The following C4orf51 variants were observed in gnomAD, a reference collection of about 807,000 sequenced individuals.
The protein encoded by C4orf51 is chromosome 4 open reading frame 51.
Under a neutral mutation model 25.2 loss-of-function variants are expected in C4orf51, and 25 were observed. That is an observed-to-expected ratio of 0.99 (90% CI 0.72 to 1.39). The LOEUF (loss-of-function observed/expected upper bound fraction) is 1.39, where lower values mean the gene tolerates loss of function less well. Among genes scored for constraint, C4orf51 ranks in the 40% most tolerant of loss-of-function variants. The pLI, the probability that C4orf51 is intolerant of heterozygous loss-of-function variation, is 0.00. For missense variants in C4orf51, 252 were observed against 239.6 expected, an observed-to-expected ratio of 1.05 and a Z score of -0.34; for synonymous variants, 100 against 84.5, an observed-to-expected ratio of 1.18 and a Z score of -1.01.
In C4orf51 at chr4:145,765,764, CT is replaced by C; in HGVS notation, n.167-5223del. The C allele has an allele frequency of 3.1e-6, 5 of 1,604,522 alleles. No individual in the cohort carries two copies. The highest frequency in any genetic ancestry group is 2.2e-5 in the East Asian group (1 of 44,720). ...CTGAAAAATAAGCAAATAACCCAGTCTGTTAATGAGATGAAAATCCTCAGAA... is the reference window on the plus strand; with the variant it reads ...CTGAAAAATAAGCAAATAACCCAGTCGTTAATGAGATGAAAATCCTCAGAA... On this transcript the variant is annotated intron_variant and non_coding_transcript_variant, in intron 1 of 1. Coordinates refer to the C4orf51 transcript ENST00000510096. The surrounding 1 kb of genome is among the most constrained non-coding windows in gnomAD (Gnocchi z 4.7).
intron 5 of C4orf51, among the ~76,000 whole-genome samples, chr4:145,730,456 C>T (rs116130086): frequency 0.021 from 3,201 of 152,300 alleles, 52 homozygotes; most frequent in Non-Finnish European, 0.035. Flanking sequence ...ATTAGACTTT[C>T]TCAAACCCCA....
At chr4:145,727,337 C>T (rs1200254505) in intron 3 of C4orf51, among the ~76,000 whole-genome samples, 1 of 152,112 alleles carries the variant, frequency 6.6e-6, no homozygotes, top group Non-Finnish European at 1.5e-5. Flanking sequence ...AATCTTCCCC[C>T]AGGGACAATC....
At chr4:145,775,089 G>A (rs1330137312), downstream of C4orf51, among the ~76,000 whole-genome samples, 1 of 152,096 alleles carries the variant, frequency 6.6e-6, no homozygotes, top group Non-Finnish European at 1.5e-5. Flanking sequence ...TCTGGCTCTG[G>A]AAACCTTCCC....
intron 2 of C4orf51, among the ~76,000 whole-genome samples, chr4:145,706,205 A>T (rs895433171): frequency 6.6e-6 from 1 of 152,224 alleles, no homozygotes; most frequent in Non-Finnish European, 1.5e-5. Context: ...TGACTTGTTC[A>T]CAATATAAGC....
At chr4:145,781,334 C>A in the C4orf51 span, among the ~76,000 whole-genome samples, 2 of 151,356 alleles carry the variant, frequency 1.3e-5, no homozygotes, top group African/African-American at 4.9e-5. Flanking sequence ...ATACAGGCTT[C>A]CACCTGTATG....
chr4:145,682,277 CAAGT>C (rs1728883780), intron 1 of C4orf51, among the ~76,000 whole-genome samples: 1 of 152,122 alleles, frequency 6.6e-6, no homozygotes, highest in African/African-American at 2.4e-5. Context: ...TAAGAAGAAG[CAAGT>C]GTTATAAATG....
chr4:145,724,316 T>A (rs1011503363), intron 2 of C4orf51, among the ~76,000 whole-genome samples: 7 of 152,166 alleles, frequency 4.6e-5, no homozygotes, highest in Admixed American at 2.0e-4. Flanking sequence ...CCGTCTGCTT[T>A]TACTGTGGCT....
chr4:145,774,712 G>T, downstream of C4orf51: 1 of 1,596,112 alleles, frequency 6.3e-7, no homozygotes, highest in South Asian at 1.1e-5. Flanking sequence ...GAGAGAAAAG[G>T]GTGACACATA....
rs139994190 is a variant in C4orf51, at chr4:145,723,442, T to C, written c.308-3469T>C. Among the ~76,000 whole-genome samples, 693 of 148,382 alleles carry C rather than the reference T, an allele frequency of 4.7e-3. 3 individuals are homozygous for C. The highest frequency in any genetic ancestry group is 0.031 in the Middle Eastern group (9 of 288). On this transcript the variant is annotated intron_variant, in intron 2 of 5. Coordinates refer to ENST00000438731, the MANE Select transcript of C4orf51 (RefSeq NM_001080531.3). ...AAGGAAAACAGAATCACCGAGAAGG[T>C]TGACAGTTGTACTATGACAGACACC...
At chr4:145,706,969 G>T (rs1425521913) in intron 2 of C4orf51, among the ~76,000 whole-genome samples, 1 of 151,986 alleles carries the variant, frequency 6.6e-6, no homozygotes, top group Admixed American at 6.6e-5. Flanking sequence ...CCACGACCAC[G>T]CCCGGCTAAT....
intron 2 of C4orf51, among the ~76,000 whole-genome samples, chr4:145,723,708 C>A (rs2126755266): frequency 6.6e-6 from 1 of 152,264 alleles, no homozygotes; most frequent in African/African-American, 2.4e-5. Flanking sequence ...CAACAAATTG[C>A]CCAATTCAGT....
chr4:145,722,575 T>G (rs1320570424), intron 2 of C4orf51, among the ~76,000 whole-genome samples: 2 of 152,216 alleles, frequency 1.3e-5, no homozygotes, highest in Non-Finnish European at 2.9e-5. Flanking sequence ...ATCCCAATGG[T>G]TAACACATCT....
intron 1 of C4orf51, among the ~76,000 whole-genome samples, chr4:145,691,361 C>G (rs1247964957): frequency 6.6e-6 from 1 of 152,288 alleles, no homozygotes; most frequent in East Asian, 1.9e-4. Context: ...TAAATTAGTT[C>G]AGCTCCTGTG....
rs1560827340 is a variant in C4orf51, at chr4:145,696,616, G to C, written c.291G>C (p.Glu97Asp). The C allele has an allele frequency of 1.9e-6, 3 of 1,613,470 alleles. No individual in the cohort carries two copies. The highest frequency in any genetic ancestry group is 2.5e-6 in the Non-Finnish European group (3 of 1,179,508). The change falls in exon 2 of 6, where the codon GAG (glutamate) becomes GAC (aspartate). Residue 97 changes from glutamate to aspartate, a missense_variant. By Grantham distance (45) the Glu-to-Asp change is conservative (BLOSUM62 2). Transcript: ENST00000438731. ...CHLLCWAGTQETTDIKGLFPD... is the reference protein window; with the variant it reads ...CHLLCWAGTQDTTDIKGLFPD... ...TTCTCTGCTGGGCTGGTACCCAAGAGACTACAGATATCAAAGGTAAGTGCA... is the reference window on the plus strand; with the variant it reads ...TTCTCTGCTGGGCTGGTACCCAAGACACTACAGATATCAAAGGTAAGTGCA...
At chr4:145,774,486 G>C, downstream of C4orf51, 1 of 1,602,800 alleles carries the variant, frequency 6.2e-7, no homozygotes. Flanking sequence ...AGTGTGAGAA[G>C]GACAGACAGG....
intron 2 of C4orf51, among the ~76,000 whole-genome samples, chr4:145,724,014 C>T (rs1395556370): frequency 1.3e-5 from 2 of 152,216 alleles, no homozygotes; most frequent in African/African-American, 2.4e-5. Flanking sequence ...AAGATAAACA[C>T]AAATGTATAA....
At chr4:145,772,087 G>C (rs1736374803), downstream of C4orf51, among the ~76,000 whole-genome samples, 1 of 152,170 alleles carries the variant, frequency 6.6e-6, no homozygotes, top group African/African-American at 2.4e-5. Context: ...CTTCCACATA[G>C]ATTACAGAAA....
intron 1 of C4orf51, among the ~76,000 whole-genome samples, chr4:145,740,240 C>A (rs2031167768): frequency 6.7e-5 from 7 of 104,802 alleles, no homozygotes; most frequent in African/African-American, 1.6e-4. Context: ...TCCCTTTCTG[C>A]AAAAAAAAAA....
chr4:145,729,507 TAGCC>T (rs1407492174), intron 4 of C4orf51, among the ~76,000 whole-genome samples: 1 of 152,050 alleles, frequency 6.6e-6, no homozygotes, highest in Non-Finnish European at 1.5e-5. Context: ...TTCACCGTGT[TAGCC>T]AGGATGGTCT....
Sources: gnomAD v4.1 joint callset for allele counts (sites outside exome capture counted in the v4.1 genomes callset) on GRCh38, gnomAD v4.1.1 for gene constraint, Gnocchi (gnomAD v3.1) non-coding constraint, MANE v1.5 for transcripts, NCBI Gene and HGNC (gene_info 2026-07-23, HGNC 2026-07-21) for gene names.